CAST: variants seen among roughly 807,000 people sequenced by gnomAD.
CAST encodes the protein MIR583 host.
CAST carries 76 observed loss-of-function variants against 119.6 expected under a neutral mutation model. The observed-to-expected ratio is 0.64, with a 90% CI of 0.53 to 0.77. The LOEUF is 0.77. Among genes scored for constraint, CAST ranks in the 30% least tolerant of loss-of-function variants. CAST has a pLI of 0.00. For synonymous variants in CAST, 319 were observed against 331.6 expected (o/e 0.96, Z 0.41); for missense variants, 953 against 946.5 (o/e 1.01, Z -0.09).
At chr5:96,217,025 A>G in the CAST span, among the ~76,000 whole-genome samples, 6 of 151,888 alleles carry the variant, frequency 4.0e-5, no homozygotes, top group Admixed American at 3.3e-4. Context: ...GAGAAGTAAT[A>G]AAATTATTAT....
intron 1 of CAST, chr5:96,631,119 T>A (rs1304040626): frequency 1.4e-5 from 2 of 140,358 alleles, no homozygotes; most frequent in African/African-American, 5.0e-5. Flanking sequence ...TAGCATTTTT[T>A]AAATTGACAT....
chr5:96,308,750 C>CAGGG, the CAST span: 1 of 152,672 alleles, frequency 6.5e-6, no homozygotes, highest in South Asian at 2.1e-4. Flanking sequence ...TGGAGGTGCA[C>CAGGG]TCCAGACCCT....
chr5:96,742,451 G>T (rs941159933), intron 15 of CAST: 1 of 544,440 alleles, frequency 1.8e-6, no homozygotes, highest in Non-Finnish European at 3.3e-6. Flanking sequence ...CTGTAGAAAC[G>T]TGTCTTAGCC....
At chr5:96,613,620 A>T (rs1168947837) in intron 1 of CAST, among the ~76,000 whole-genome samples, 1 of 152,128 alleles carries the variant, frequency 6.6e-6, no homozygotes, top group Non-Finnish European at 1.5e-5. Flanking sequence ...CTGTGTTCTT[A>T]ACCTCCAATC....
At position 96,717,773 on chromosome 5, in the gene CAST, G is replaced by A. The variant is rs567340772; in HGVS notation, c.211-4866G>A. Among the ~76,000 whole-genome samples, 6 of 152,298 alleles carry A rather than the reference G, an allele frequency of 3.9e-5. No homozygotes were observed. The South Asian group carries it at 1.2e-3, about 32-fold the overall frequency. ...GAGGGGAGACTCAATATGGGGTCAT[G>A]ATGAGAGAGGTCAAATAATGGAGAA... On this transcript the variant is annotated intron_variant, in intron 3 of 31. Coordinates refer to ENST00000675179, the MANE Select transcript of CAST (RefSeq NM_001750.7).
At chr5:96,161,781 A>ATTTATGC in the CAST span, among the ~76,000 whole-genome samples, 55 of 152,140 alleles carry the variant, frequency 3.6e-4, no homozygotes, top group Non-Finnish European at 1.8e-4. Context: ...TTATGTCTTT[A>ATTTATGC]ATTTCTTTCA....
the CAST span, among the ~76,000 whole-genome samples, chr5:96,335,302 T>C: frequency 6.6e-6 from 1 of 152,250 alleles, no homozygotes; most frequent in Non-Finnish European, 1.5e-5. Flanking sequence ...CTTCTGCTTT[T>C]GGTAAGGCCA....
the CAST span, among the ~76,000 whole-genome samples, chr5:95,998,469 AC>A: frequency 1.3e-5 from 2 of 151,948 alleles, no homozygotes; most frequent in Admixed American, 6.6e-5. Context: ...ATGTCCATGT[AC>A]CCCAGTCCTT....
chr5:96,529,943 C>T (rs528041849), intron 1 of CAST: 9 of 311,558 alleles, frequency 2.9e-5, no homozygotes, highest in Admixed American at 7.9e-5. Flanking sequence ...TTCATAGAAC[C>T]GTGAGAATGG....
the CAST span, among the ~76,000 whole-genome samples, chr5:96,141,085 T>C: frequency 3.3e-5 from 5 of 152,354 alleles, no homozygotes; most frequent in African/African-American, 1.2e-4. Context: ...ATTTGTCAGA[T>C]AAATGTATAT....
intron 1 of CAST, among the ~76,000 whole-genome samples, chr5:96,587,165 C>T (rs1746874621): frequency 6.8e-6 from 1 of 146,606 alleles, no homozygotes; most frequent in South Asian, 2.1e-4. Flanking sequence ...TTTCAATTCA[C>T]CACATCAGCT....
the CAST span, among the ~76,000 whole-genome samples, chr5:96,044,146 G>A: frequency 6.6e-6 from 1 of 152,194 alleles, no homozygotes; most frequent in Non-Finnish European, 1.5e-5. Context: ...TGTTAGGAGT[G>A]AAAACTGGTG....
chr5:96,728,945 C>G (rs901833077), intron 6 of CAST: 1 of 507,724 alleles, frequency 2.0e-6, no homozygotes, highest in Non-Finnish European at 3.6e-6. Context: ...CTGATAATCA[C>G]CATTCTCAGA....
the CAST span, among the ~76,000 whole-genome samples, chr5:96,346,185 A>G: frequency 6.6e-6 from 1 of 152,174 alleles, no homozygotes; most frequent in Non-Finnish European, 1.5e-5. Context: ...TATGGTAGAT[A>G]AAGGAATAAA....
the CAST span, among the ~76,000 whole-genome samples, chr5:96,487,787 G>A: frequency 2.6e-5 from 4 of 152,220 alleles, no homozygotes; most frequent in Non-Finnish European, 5.9e-5. Context: ...ACTTCTGAAA[G>A]CATGTGAATG....
chr5:96,201,506 A>G, the CAST span, among the ~76,000 whole-genome samples: 3 of 152,120 alleles, frequency 2.0e-5, no homozygotes, highest in Non-Finnish European at 4.4e-5. Context: ...GAAAGGACCA[A>G]TATTCAGTGG....
At chr5:96,066,951 G>A in the CAST span, among the ~76,000 whole-genome samples, 1 of 152,150 alleles carries the variant, frequency 6.6e-6, no homozygotes, top group South Asian at 2.1e-4. Flanking sequence ...CAGGTGTTAA[G>A]TCACTGCACC....
At chr5:96,203,829 C>G in the CAST span, among the ~76,000 whole-genome samples, 1 of 152,046 alleles carries the variant, frequency 6.6e-6, no homozygotes, top group East Asian at 1.9e-4. Flanking sequence ...GGAGAAGTAC[C>G]TACGTTCCCC....
chr5:96,006,953 A>C, the CAST span, among the ~76,000 whole-genome samples: 1 of 152,226 alleles, frequency 6.6e-6, no homozygotes, highest in Non-Finnish European at 1.5e-5. Flanking sequence ...TCTAAGCTTT[A>C]AAAATGTATT....
Sources: allele counts gnomAD v4.1 joint callset (sites outside exome capture counted in the v4.1 genomes callset), GRCh38; gene constraint gnomAD v4.1.1; transcripts MANE v1.5; gene names NCBI Gene and HGNC (gene_info 2026-07-23, HGNC 2026-07-21).